SLC16A7: variants seen among roughly 807,000 people sequenced by gnomAD.
SLC16A7 encodes the protein solute carrier family 16 member 7, also known as monocarboxylate transporter 2.
In SLC16A7, 33 loss-of-function variants were observed where a neutral mutation model predicts 34.9. The ratio of observed to expected loss-of-function variants is 0.94; its 90% CI spans 0.72 to 1.26. The LOEUF is 1.26. SLC16A7 is among the 50% of genes most tolerant of loss of function. SLC16A7 has a pLI of 0.00. For missense variants in SLC16A7, 573 were observed against 578.1 expected (o/e 0.99, Z 0.09); for synonymous variants, 201 against 206.6 (o/e 0.97, Z 0.23).
At chr12:59,716,991 T>A (rs371642049) in intron 3 of SLC16A7, among the ~76,000 whole-genome samples, 24 of 152,312 alleles carry the variant, frequency 1.6e-4, no homozygotes, top group East Asian at 1.5e-3. Flanking sequence ...GCTGTGATAT[T>A]GGTGCAAAGA....
At chr12:59,670,111 C>T (rs1869551987) in intron 2 of SLC16A7, among the ~76,000 whole-genome samples, 1 of 152,206 alleles carries the variant, frequency 6.6e-6, no homozygotes, top group East Asian at 1.9e-4. Flanking sequence ...CCTCCCTTGC[C>T]TCTTCCAGCT....
intron 2 of SLC16A7, among the ~76,000 whole-genome samples, chr12:59,673,241 A>G (rs1389356332): frequency 1.3e-5 from 2 of 152,178 alleles, no homozygotes; most frequent in Non-Finnish European, 2.9e-5. Flanking sequence ...TTTATATCTG[A>G]GTGTAGAACA....
chr12:59,709,685 T>TAG (rs1254754198), intron 3 of SLC16A7, among the ~76,000 whole-genome samples: 1 of 151,702 alleles, frequency 6.6e-6, no homozygotes, highest in Non-Finnish European at 1.5e-5. Context: ...GACAGCCCTG[T>TAG]GCAAGTAGGC....
At chr12:59,697,046 G>T (rs183525416) in intron 2 of SLC16A7, among the ~76,000 whole-genome samples, 5 of 151,990 alleles carry the variant, frequency 3.3e-5, no homozygotes, top group Admixed American at 2.6e-4. Flanking sequence ...TAAAGGCAAG[G>T]AAACTTTTGA....
chr12:59,756,957 G>A (rs1337313255), intron 3 of SLC16A7, among the ~76,000 whole-genome samples: 2 of 139,286 alleles, frequency 1.4e-5, no homozygotes, highest in Non-Finnish European at 3.1e-5. Flanking sequence ...TCCTTTGTAG[G>A]GACATGGATG....
At chr12:59,662,442 A>G (rs1291445624) in intron 2 of SLC16A7, among the ~76,000 whole-genome samples, 1 of 152,032 alleles carries the variant, frequency 6.6e-6, no homozygotes, top group Non-Finnish European at 1.5e-5. Flanking sequence ...TTATTGAAGA[A>G]TTTTGGAAAC....
chr12:59,685,253 T>C (rs905516330), intron 2 of SLC16A7, among the ~76,000 whole-genome samples: 1 of 152,184 alleles, frequency 6.6e-6, no homozygotes, highest in Admixed American at 6.5e-5. Context: ...GTGTTTATTA[T>C]GTAACAATAA....
intron 3 of SLC16A7, among the ~76,000 whole-genome samples, chr12:59,729,135 A>T (rs1223751822): frequency 1.3e-5 from 2 of 152,198 alleles, no homozygotes; most frequent in South Asian, 2.1e-4. Flanking sequence ...AATCATATTT[A>T]TGTGTGGTTT....
chr12:59,740,481 G>T (rs1350543320), intron 3 of SLC16A7, among the ~76,000 whole-genome samples: 2 of 152,152 alleles, frequency 1.3e-5, no homozygotes, highest in Non-Finnish European at 2.9e-5. Context: ...GGTAGCAGAT[G>T]CAGAAAAGGC....
chr12:59,718,612 C>T (rs1168110620), intron 3 of SLC16A7, among the ~76,000 whole-genome samples: 2 of 152,072 alleles, frequency 1.3e-5, no homozygotes, highest in African/African-American at 2.4e-5. Context: ...GAAAGAATAA[C>T]GTGGCTATCT....
intron 1 of SLC16A7, among the ~76,000 whole-genome samples, chr12:59,648,837 G>A (rs1171719268): frequency 6.6e-6 from 1 of 152,192 alleles, no homozygotes; most frequent in Non-Finnish European, 1.5e-5. Context: ...TTTCTGAAAT[G>A]AGAGTTGAAG....
At chr12:59,668,042 C>A (rs189356506) in intron 2 of SLC16A7, among the ~76,000 whole-genome samples, 1 of 152,326 alleles carries the variant, frequency 6.6e-6, no homozygotes, top group South Asian at 2.1e-4. Flanking sequence ...AAAACCTCCA[C>A]CTAGATTTCA....
chr12:59,689,276 G>A (rs1021309343), intron 2 of SLC16A7: 17 of 151,972 alleles, frequency 1.1e-4, no homozygotes, highest in African/African-American at 4.1e-4. Flanking sequence ...AGGGGAAGGG[G>A]TCATAGAATC....
rs536021427 is a variant in SLC16A7, at chr12:59,761,083, T to C, written c.218-10136T>C. 4 of 876,312 alleles carry C rather than the reference T, an allele frequency of 4.6e-6. No homozygotes were observed. The African/African-American group carries it at 6.9e-5, about 15-fold the overall frequency. 54.3% of individuals were successfully genotyped at this position (876,312 alleles called of 1,614,324 possible). A position where few individuals can be genotyped will look rare whatever the true frequency, so the allele number is the denominator to read the frequency against. On this transcript the variant is annotated intron_variant, in intron 3 of 5. Coordinates refer to ENST00000547379, the MANE Select transcript of SLC16A7 (RefSeq NM_001270623.2). ...AAAATCACGTCTTGACAATATGATA[T>C]TTAATTGAAGAAGTTACTGCAAAAT...
At chr12:59,724,742 G>T (rs1190460649) in intron 3 of SLC16A7, among the ~76,000 whole-genome samples, 1 of 151,908 alleles carries the variant, frequency 6.6e-6, no homozygotes, top group Non-Finnish European at 1.5e-5. Context: ...ATGTCACTCG[G>T]AATATTATCA....
chr12:59,726,807 C>G (rs750250842), intron 3 of SLC16A7, among the ~76,000 whole-genome samples: 8 of 151,796 alleles, frequency 5.3e-5, no homozygotes, highest in Non-Finnish European at 1.0e-4. Context: ...AACTCACCAC[C>G]CAGTAATCAT....
chr12:59,608,635 A>G (rs1370466963), intron 1 of SLC16A7, among the ~76,000 whole-genome samples: 1 of 152,218 alleles, frequency 6.6e-6, no homozygotes, highest in Non-Finnish European at 1.5e-5. Context: ...ATTTATAGAC[A>G]TCAGATCTAA....
chr12:59,679,174 C>G (rs1239777700), intron 2 of SLC16A7, among the ~76,000 whole-genome samples: 3 of 152,182 alleles, frequency 2.0e-5, no homozygotes, highest in Non-Finnish European at 4.4e-5. Flanking sequence ...GAAGGCAGGG[C>G]TCCTGCCTGC....
At chr12:59,740,193 C>T (rs1199931060) in intron 3 of SLC16A7, among the ~76,000 whole-genome samples, 2 of 151,518 alleles carry the variant, frequency 1.3e-5, no homozygotes, top group Non-Finnish European at 2.9e-5. Context: ...ACGTTTAAGT[C>T]TTTAATCCAT....
Sources: gnomAD v4.1 joint callset for allele counts (sites outside exome capture counted in the v4.1 genomes callset) on GRCh38, gnomAD v4.1.1 for gene constraint, MANE v1.5 for transcripts, NCBI Gene and HGNC (gene_info 2026-07-23, HGNC 2026-07-21) for gene names.